The following MDGA2 variants were observed in gnomAD, a reference collection of about 807,000 sequenced individuals.
MDGA2 encodes MAM domain-containing glycosylphosphatidylinositol anchor protein 2.
In MDGA2, 40 loss-of-function variants were observed where a neutral mutation model predicts 117.8. The observed-to-expected ratio is 0.34, with a 90% CI of 0.26 to 0.44. The LOEUF (loss-of-function observed/expected upper bound fraction) is 0.44, where lower values mean the gene tolerates loss of function less well. Among genes scored for constraint, MDGA2 ranks in the 20% least tolerant of loss-of-function variants. The probability of loss-of-function intolerance (pLI) is 1.00; values close to 1 mark genes in which losing one functional copy is unlikely to be tolerated. For synonymous variants in MDGA2, 452 were observed against 439.0 expected, an observed-to-expected ratio of 1.03 and a Z score of -0.37; for missense variants, 1,123 against 1,250.6, an observed-to-expected ratio of 0.90 and a Z score of 1.54.
chr14:47,092,679 G>C (rs1005982935), intron 6 of MDGA2, among the ~76,000 whole-genome samples: 1 of 152,036 alleles, frequency 6.6e-6, no homozygotes, highest in Non-Finnish European at 1.5e-5. Context: ...AAACCTGTGT[G>C]GCAAGAGAAC....
At chr14:47,098,838 G>A (rs939538827) in intron 5 of MDGA2, among the ~76,000 whole-genome samples, 17 of 151,998 alleles carry the variant, frequency 1.1e-4, no homozygotes, top group African/African-American at 3.6e-4. Context: ...ATACCCAATG[G>A]TGACATTAAG....
intron 1 of MDGA2, among the ~76,000 whole-genome samples, chr14:47,435,319 C>G (rs1419902584): frequency 6.6e-6 from 1 of 152,030 alleles, no homozygotes; most frequent in Non-Finnish European, 1.5e-5. Context: ...TGTGTTCTGC[C>G]AGACATTAAA....
intron 9 of MDGA2, among the ~76,000 whole-genome samples, chr14:46,929,805 T>C (rs1884496834): frequency 6.7e-6 from 1 of 150,052 alleles, no homozygotes; most frequent in Non-Finnish European, 1.5e-5. Flanking sequence ...TCCATCTAAT[T>C]TTTGTATTTT....
At chr14:47,021,841 T>G (rs555321738) in intron 8 of MDGA2, among the ~76,000 whole-genome samples, 6 of 152,304 alleles carry the variant, frequency 3.9e-5, no homozygotes, top group African/African-American at 1.4e-4. Flanking sequence ...AGAATTTGAA[T>G]CCAGAGCCAG....
intron 7 of MDGA2, among the ~76,000 whole-genome samples, chr14:47,054,340 ATACTT>A (rs1040922822): frequency 1.3e-5 from 2 of 151,504 alleles, no homozygotes; most frequent in Non-Finnish European, 2.9e-5. Context: ...TATTATTATT[ATACTT>A]TAAGTTTTAG....
At chr14:47,052,920 G>C (rs1463280567) in intron 7 of MDGA2, among the ~76,000 whole-genome samples, 1 of 151,552 alleles carries the variant, frequency 6.6e-6, no homozygotes, top group Non-Finnish European at 1.5e-5. Flanking sequence ...GTCTCATTCT[G>C]TCGGTCTCTG....
chr14:47,095,392 A>C (rs1879903173), intron 6 of MDGA2, among the ~76,000 whole-genome samples: 1 of 151,936 alleles, frequency 6.6e-6, no homozygotes, highest in Non-Finnish European at 1.5e-5. Context: ...ATGACCCTGT[A>C]ATAAAAACTA....
At chr14:47,533,697 T>C (rs2138737921) in intron 1 of MDGA2, among the ~76,000 whole-genome samples, 1 of 152,334 alleles carries the variant, frequency 6.6e-6, no homozygotes, top group Non-Finnish European at 1.5e-5. Flanking sequence ...CACGGTATCC[T>C]CCTATCACTC....
intron 1 of MDGA2, among the ~76,000 whole-genome samples, chr14:47,360,075 G>T (rs1005504263): frequency 6.6e-6 from 1 of 152,270 alleles, no homozygotes; most frequent in Middle Eastern, 3.4e-3. Context: ...CAAAGGGCCG[G>T]GTGCAGTGGC....
intron 1 of MDGA2, among the ~76,000 whole-genome samples, chr14:47,419,932 T>A (rs1179132865): frequency 1.3e-5 from 2 of 152,040 alleles, no homozygotes; most frequent in African/African-American, 4.8e-5. Flanking sequence ...CAAACAAGAA[T>A]AATCCAAAAA....
At chr14:47,261,707 A>G (rs931835590) in intron 2 of MDGA2, among the ~76,000 whole-genome samples, 5 of 152,104 alleles carry the variant, frequency 3.3e-5, no homozygotes, top group African/African-American at 1.2e-4. Context: ...GTTCTGTTGC[A>G]TATGTTTAAG....
At chr14:47,178,085 G>T (rs552253224) in intron 3 of MDGA2, among the ~76,000 whole-genome samples, 4 of 152,086 alleles carry the variant, frequency 2.6e-5, no homozygotes, top group African/African-American at 9.6e-5. Flanking sequence ...AGGGGGTTGG[G>T]TATTGTAGAT....
At chr14:47,540,153 A>G (rs1237737217) in intron 1 of MDGA2, among the ~76,000 whole-genome samples, 1 of 152,060 alleles carries the variant, frequency 6.6e-6, no homozygotes, top group Non-Finnish European at 1.5e-5. Flanking sequence ...AGCTGGGACT[A>G]CAGGCGCCCG....
intron 6 of MDGA2, among the ~76,000 whole-genome samples, chr14:47,071,596 ATAAGTCAAAATG>A (rs1566606665): frequency 1.3e-5 from 2 of 152,046 alleles, no homozygotes; most frequent in African/African-American, 4.8e-5. Flanking sequence ...AAACAAGCAA[ATAAGTCAAAATG>A]CTGGTGGTAT....
At chr14:47,113,571 A>G (rs1267510232) in intron 5 of MDGA2, among the ~76,000 whole-genome samples, 1 of 152,162 alleles carries the variant, frequency 6.6e-6, no homozygotes, top group East Asian at 1.9e-4. Context: ...ACCACGATCA[A>G]GTCAGCTTCA....
intron 3 of MDGA2, among the ~76,000 whole-genome samples, chr14:47,182,301 G>A (rs1310312403): frequency 1.3e-5 from 2 of 151,882 alleles, no homozygotes; most frequent in African/African-American, 4.8e-5. Flanking sequence ...ACTAAGTTAT[G>A]TACCCCACAC....
chr14:47,509,082 G>A (rs1384086372), intron 1 of MDGA2, among the ~76,000 whole-genome samples: 4 of 152,098 alleles, frequency 2.6e-5, no homozygotes, highest in South Asian at 2.1e-4. Flanking sequence ...GTTACTCAAC[G>A]TTCACACACT....
At chr14:46,879,940 C>T (rs986476783) in intron 11 of MDGA2, among the ~76,000 whole-genome samples, 7 of 152,060 alleles carry the variant, frequency 4.6e-5, no homozygotes, top group Non-Finnish European at 8.8e-5. Context: ...AAGCAGGAAA[C>T]GTATACTTAA....
intron 10 of MDGA2, among the ~76,000 whole-genome samples, chr14:46,919,040 G>A (rs1284014329): frequency 6.6e-6 from 1 of 152,114 alleles, no homozygotes; most frequent in Non-Finnish European, 1.5e-5. Context: ...GGGATTACAG[G>A]CGTGAGCCAC....
Sources: gnomAD v4.1 joint callset for allele counts (sites outside exome capture counted in the v4.1 genomes callset) on GRCh38, gnomAD v4.1.1 for gene constraint, MANE v1.5 for transcripts, NCBI Gene and HGNC (gene_info 2026-07-23, HGNC 2026-07-21) for gene names.